NEGR1: variants seen among roughly 807,000 people sequenced by gnomAD.
NEGR1 encodes IgLON family member 4.
NEGR1 carries 10 observed loss-of-function variants against 40.9 expected under a neutral mutation model. That is an observed-to-expected ratio of 0.24 (90% CI 0.15 to 0.42). NEGR1 has a LOEUF of 0.42. Ranked by LOEUF, NEGR1 falls within the 10% of genes least tolerant of loss-of-function variation. The probability of loss-of-function intolerance (pLI) is 1.00; values close to 1 mark genes in which losing one functional copy is unlikely to be tolerated. For missense variants in NEGR1, 352 were observed against 438.9 expected (o/e 0.80, Z 1.77); for synonymous variants, 185 against 166.8 (o/e 1.11, Z -0.84).
intron 3 of NEGR1, among the ~76,000 whole-genome samples, chr1:71,733,122 G>A (rs1654943238): frequency 6.8e-6 from 1 of 147,742 alleles, no homozygotes; most frequent in African/African-American, 2.5e-5. Context: ...TTATTCCAAA[G>A]AAAGCACTCT....
intron 3 of NEGR1, among the ~76,000 whole-genome samples, chr1:71,761,339 A>C (rs1655933988): frequency 6.6e-6 from 1 of 152,032 alleles, no homozygotes; most frequent in Non-Finnish European, 1.5e-5. Context: ...CTTTACTTAC[A>C]AAAAAGACAG....
At chr1:72,030,772 G>A (rs563438565) in intron 1 of NEGR1, among the ~76,000 whole-genome samples, 20 of 152,130 alleles carry the variant, frequency 1.3e-4, no homozygotes, top group African/African-American at 3.9e-4. Flanking sequence ...GATTAATGCC[G>A]GATACCCTTG....
chr1:72,046,157 T>C (rs539626677), intron 1 of NEGR1, among the ~76,000 whole-genome samples: 1 of 151,806 alleles, frequency 6.6e-6, no homozygotes, highest in African/African-American at 2.4e-5. Context: ...GTACATAGTC[T>C]TAGTCCTAAC....
chr1:71,641,838 T>C (rs1651363652), intron 4 of NEGR1, among the ~76,000 whole-genome samples: 1 of 151,994 alleles, frequency 6.6e-6, no homozygotes, highest in South Asian at 2.1e-4. Context: ...ATAGTTCAGA[T>C]ATTCTAGGGT....
intron 2 of NEGR1, among the ~76,000 whole-genome samples, chr1:71,849,234 A>T (rs1346752104): frequency 1.3e-5 from 2 of 152,230 alleles, no homozygotes; most frequent in South Asian, 2.1e-4. Flanking sequence ...TTCATGATTC[A>T]TGAAAGAAGG....
At chr1:72,246,337 TTTCA>T (rs1654902437) in intron 1 of NEGR1, among the ~76,000 whole-genome samples, 1 of 152,166 alleles carries the variant, frequency 6.6e-6, no homozygotes, top group Non-Finnish European at 1.5e-5. Context: ...CGTGTCTAGT[TTTCA>T]ATCCTTACCT....
chr1:71,893,968 A>C (rs1660885808), intron 2 of NEGR1, among the ~76,000 whole-genome samples: 1 of 55,320 alleles, frequency 1.8e-5, no homozygotes, highest in Non-Finnish European at 3.5e-5. Flanking sequence ...AAACTATCGC[A>C]AGAACAAAAA....
intron 4 of NEGR1, among the ~76,000 whole-genome samples, chr1:71,628,546 T>TAA: frequency 6.6e-6 from 1 of 151,992 alleles, no homozygotes; most frequent in Non-Finnish European, 1.5e-5. Context: ...GTATTTCTCC[T>TAA]AATGCTATCC....
intron 2 of NEGR1, chr1:71,794,526 A>ACC (rs920326183): frequency 1.3e-5 from 2 of 152,108 alleles, no homozygotes; most frequent in African/African-American, 2.4e-5. Context: ...GGTGCTAGGC[A>ACC]ATTGTCTACC....
chr1:71,563,910 A>G (rs1230012565), intron 6 of NEGR1, among the ~76,000 whole-genome samples: 2 of 151,734 alleles, frequency 1.3e-5, no homozygotes, highest in Non-Finnish European at 2.9e-5. Flanking sequence ...CTTTGCCCTG[A>G]CTATAGGTGA....
chr1:71,467,212 A>G (rs1646752933), intron 6 of NEGR1, among the ~76,000 whole-genome samples: 1 of 152,096 alleles, frequency 6.6e-6, no homozygotes, highest in Non-Finnish European at 1.5e-5. Context: ...CAGTAAGTTA[A>G]ATTTAGAACT....
intron 4 of NEGR1, among the ~76,000 whole-genome samples, chr1:71,612,791 A>T (rs1650304397): frequency 2.0e-5 from 3 of 152,194 alleles, no homozygotes; most frequent in African/African-American, 7.2e-5. Flanking sequence ...AGGAAGAGGG[A>T]ACAGCTTGCA....
At chr1:72,034,899 T>G (rs937384202) in intron 1 of NEGR1, among the ~76,000 whole-genome samples, 2 of 152,080 alleles carry the variant, frequency 1.3e-5, no homozygotes, top group Admixed American at 6.6e-5. Flanking sequence ...ACTAGGAGCT[T>G]TTATATGTAA....
At chr1:71,412,676 A>C (rs1181344341) in intron 6 of NEGR1, among the ~76,000 whole-genome samples, 3 of 152,168 alleles carry the variant, frequency 2.0e-5, no homozygotes, top group African/African-American at 7.2e-5. Context: ...TGTGTAATGA[A>C]ATTGTTCTAT....
intron 2 of NEGR1, among the ~76,000 whole-genome samples, chr1:71,910,164 C>T (rs978587766): frequency 1.3e-5 from 2 of 152,038 alleles, no homozygotes; most frequent in South Asian, 2.1e-4. Context: ...AAATATTTAA[C>T]GAACACCTAT....
At chr1:71,880,648 A>C (rs629079) in intron 2 of NEGR1, among the ~76,000 whole-genome samples, 51,423 of 151,792 alleles carry the variant, frequency 0.34, 9,162 homozygotes, top group East Asian at 0.61. Context: ...CTCTTTTACC[A>C]TCTGGCAAAA....
chr1:71,855,471 T>C (rs576454087), intron 2 of NEGR1, among the ~76,000 whole-genome samples: 2 of 152,184 alleles, frequency 1.3e-5, no homozygotes, highest in South Asian at 2.1e-4. Context: ...CCATTTAACT[T>C]CTAGAAGAAA....
chr1:71,519,756 C>G (rs75542791), intron 6 of NEGR1, among the ~76,000 whole-genome samples: 7 of 133,878 alleles, frequency 5.2e-5, no homozygotes, highest in Non-Finnish European at 1.1e-4. Context: ...TAAAAAAAAA[C>G]AAAAAAAGAT....
chr1:71,756,154 T>G (rs1655725206), intron 3 of NEGR1, among the ~76,000 whole-genome samples: 1 of 151,974 alleles, frequency 6.6e-6, no homozygotes, highest in South Asian at 2.1e-4. Context: ...GGCTGAAAAG[T>G]GTTGGTTCTC....
Sources: gnomAD v4.1 joint callset for allele counts (sites outside exome capture counted in the v4.1 genomes callset) on GRCh38, gnomAD v4.1.1 for gene constraint, MANE v1.5 for transcripts, NCBI Gene and HGNC (gene_info 2026-07-23, HGNC 2026-07-21) for gene names.